Variants in NCKAP5 observed in about 807,000 individuals in gnomAD.
NCKAP5 encodes the protein NCK associated protein 5.
Under a neutral mutation model 167.0 loss-of-function variants are expected in NCKAP5, and 92 were observed. The observed-to-expected ratio is 0.55, with a 90% CI of 0.47 to 0.66. The LOEUF is 0.66. Ranked by LOEUF, NCKAP5 falls within the 30% of genes least tolerant of loss-of-function variation. The pLI, the probability that NCKAP5 is intolerant of heterozygous loss-of-function variation, is 0.00. For synonymous variants in NCKAP5, 891 were observed against 877.4 expected (o/e 1.02, Z -0.27); for missense variants, 2,378 against 2,315.0 (o/e 1.03, Z -0.56).
At chr2:133,599,500 T>A in the NCKAP5 span, among the ~76,000 whole-genome samples, 1 of 152,188 alleles carries the variant, frequency 6.6e-6, no homozygotes, top group Non-Finnish European at 1.5e-5. Context: ...AGCATAAGGA[T>A]ACTGATTGGC....
chr2:133,106,517 AGAG>A (rs2149699960), intron 6 of NCKAP5, among the ~76,000 whole-genome samples: 1 of 152,262 alleles, frequency 6.6e-6, no homozygotes, highest in African/African-American at 2.4e-5. Flanking sequence ...TCCACTCTCC[AGAG>A]GAGAGATAAA....
chr2:133,268,673 G>A (rs958110131), intron 4 of NCKAP5, among the ~76,000 whole-genome samples: 6 of 151,938 alleles, frequency 3.9e-5, no homozygotes, highest in East Asian at 3.9e-4. Context: ...TAGTAGAGAC[G>A]GGGTTTCACC....
chr2:133,264,264 G>A (rs532321175), intron 4 of NCKAP5, among the ~76,000 whole-genome samples: 7 of 152,126 alleles, frequency 4.6e-5, no homozygotes, highest in Non-Finnish European at 1.0e-4. Context: ...TTTCTTTTTG[G>A]TTAAGCAGGA....
rs532152218 is a variant in NCKAP5, at chr2:133,055,493, T to TTA, written c.342-61256_342-61255dup. Among the ~76,000 whole-genome samples, 378 of 148,952 alleles carry TTA rather than the reference T, an allele frequency of 2.5e-3. 2 individuals are homozygous for TTA. Among genetic ancestry groups the TTA allele is most frequent in the Admixed American group, 0.016 (244 of 14,856 alleles). On this transcript the variant is annotated intron_variant, in intron 6 of 19. Transcript: ENST00000409261. ...AACTGTATATATATATATATATAGTTTATATATATATGAATAGTTTATATA... is the reference window on the plus strand; with the variant it reads ...AACTGTATATATATATATATATAGTTTATATATATATATGAATAGTTTATATA...
At chr2:133,600,887 A>T in the NCKAP5 span, among the ~76,000 whole-genome samples, 2 of 152,224 alleles carry the variant, frequency 1.3e-5, 1 homozygote, top group Non-Finnish European at 2.9e-5. Flanking sequence ...CTTTCCTGTA[A>T]GTCAACCTCC....
chr2:132,839,849 T>C (rs553667164), intron 11 of NCKAP5, among the ~76,000 whole-genome samples: 2 of 149,302 alleles, frequency 1.3e-5, no homozygotes, highest in South Asian at 2.2e-4. Flanking sequence ...ACTGAACACA[T>C]ATTTTGTATA....
At chr2:132,899,109 T>C (rs1693425822) in intron 8 of NCKAP5, among the ~76,000 whole-genome samples, 1 of 152,252 alleles carries the variant, frequency 6.6e-6, no homozygotes, top group Non-Finnish European at 1.5e-5. Context: ...CTTTCATCCA[T>C]TATTTGAACT....
At chr2:133,595,967 G>T in the NCKAP5 span, 2 of 152,180 alleles carry the variant, frequency 1.3e-5, no homozygotes. Context: ...TTATTATGCA[G>T]TGCATACTTG....
intron 16 of NCKAP5, among the ~76,000 whole-genome samples, chr2:132,770,411 A>G (rs1466944935): frequency 6.8e-6 from 1 of 148,072 alleles, no homozygotes; most frequent in Non-Finnish European, 1.5e-5. Context: ...ATTATAACAT[A>G]TATAATAATA....
chr2:133,520,011 C>A (rs1205383260), intron 2 of NCKAP5, among the ~76,000 whole-genome samples: 1 of 151,844 alleles, frequency 6.6e-6, no homozygotes, highest in Non-Finnish European at 1.5e-5. Flanking sequence ...CATGGTGAAA[C>A]CCCATCTCTA....
intron 5 of NCKAP5, among the ~76,000 whole-genome samples, chr2:133,184,666 G>C (rs924225975): frequency 6.6e-6 from 1 of 152,120 alleles, no homozygotes; most frequent in Non-Finnish European, 1.5e-5. Flanking sequence ...ATTCTGACTG[G>C]TGTGAGATGG....
intron 2 of NCKAP5, among the ~76,000 whole-genome samples, chr2:133,536,192 T>G (rs933503649): frequency 2.0e-5 from 3 of 152,192 alleles, no homozygotes; most frequent in Non-Finnish European, 4.4e-5. Context: ...TTTGAGGTCT[T>G]AGTCATAAAT....
At position 132,944,902 on chromosome 2, in the gene NCKAP5, G is replaced by GGAA. The variant is rs372468770; in HGVS notation, c.579+18815_579+18817dup. 2.1e-3 allele frequency among the ~76,000 whole-genome samples: 321 copies of GGAA among 152,246 alleles called. 3 individuals carry two copies. The highest frequency in any genetic ancestry group is 7.4e-3 in the African/African-American group (308 of 41,538). On this transcript the variant is annotated intron_variant, in intron 8 of 19. Coordinates refer to ENST00000409261, the MANE Select transcript of NCKAP5 (RefSeq NM_207363.3). ...GATAAATGAGGGACTGTGGGCAAAG[G>GGAA]GAAGACCTTACCCAGGCAGCAGAGA...
the NCKAP5 span, among the ~76,000 whole-genome samples, chr2:133,635,119 C>G: frequency 6.6e-6 from 1 of 152,162 alleles, no homozygotes. Flanking sequence ...GGTGATCCAC[C>G]TGCCTTGGCC....
intron 3 of NCKAP5, chr2:133,431,684 T>C (rs1690172290): frequency 6.6e-6 from 1 of 152,146 alleles, no homozygotes; most frequent in African/African-American, 2.4e-5. Context: ...TGTTTATTTG[T>C]AGGAGGCATA....
At chr2:133,248,933 C>A (rs1193501711) in intron 4 of NCKAP5, among the ~76,000 whole-genome samples, 1 of 152,188 alleles carries the variant, frequency 6.6e-6, no homozygotes, top group Non-Finnish European at 1.5e-5. Context: ...TTTAAATTGG[C>A]AGTATCCCTG....
Position 133,468,090 on chromosome 2 carries a change from T to C in NCKAP5, c.69+49368A>G, listed in dbSNP as rs1478669404. Among the ~76,000 whole-genome samples the C allele has an allele frequency of 2.4e-5, 3 of 125,476 alleles. 1 individual carries two copies. Among genetic ancestry groups the C allele is most frequent in the African/African-American group, 1.0e-4 (3 of 29,614 alleles). 82.3% of individuals were successfully genotyped at this position (125,476 alleles called of 152,430 possible). On this transcript the variant is annotated intron_variant, in intron 3 of 19. Coordinates refer to ENST00000409261, the MANE Select transcript of NCKAP5 (RefSeq NM_207363.3). ...TTTGCTCTTGCTTTTCTAGTTCTTT[T>C]AATTGTGATGTTAGGGTGTCAATTT...
intron 5 of NCKAP5, among the ~76,000 whole-genome samples, chr2:133,209,038 G>C (rs2086089492): frequency 6.7e-6 from 1 of 150,188 alleles, no homozygotes; most frequent in African/African-American, 2.5e-5. Context: ...TCTACCTCAT[G>C]TCAAAATAAT....
At chr2:133,649,782 T>A in the NCKAP5 span, among the ~76,000 whole-genome samples, 144 of 152,272 alleles carry the variant, frequency 9.5e-4, 1 homozygote, top group African/African-American at 3.4e-3. Context: ...ACCAACATCA[T>A]AGTCACTGGT....
Sources: gnomAD v4.1 joint callset for allele counts (sites outside exome capture counted in the v4.1 genomes callset) on GRCh38, gnomAD v4.1.1 for gene constraint, MANE v1.5 for transcripts, NCBI Gene and HGNC (gene_info 2026-07-23, HGNC 2026-07-21) for gene names.